PALM2AKAP2: variants seen among roughly 807,000 people sequenced by gnomAD.
PALM2AKAP2 encodes PALM2-AKAP2 fusion protein.
Under a neutral mutation model 71.5 loss-of-function variants are expected in PALM2AKAP2, and 37 were observed. The ratio of observed to expected loss-of-function variants is 0.52; its 90% CI spans 0.40 to 0.68. The LOEUF is 0.68. PALM2AKAP2 is among the 30% of genes least tolerant of loss of function. The pLI, the probability that PALM2AKAP2 is intolerant of heterozygous loss-of-function variation, is 0.00. For synonymous variants in PALM2AKAP2, 468 were observed against 478.8 expected, an observed-to-expected ratio of 0.98 and a Z score of 0.29; for missense variants, 1,224 against 1,191.8, an observed-to-expected ratio of 1.03 and a Z score of -0.40.
intron 7 of PALM2AKAP2, among the ~76,000 whole-genome samples, chr9:110,035,692 GGATATGTTGTGTGTTATATAT>G (rs1833388451): frequency 1.2e-5 from 1 of 82,656 alleles, no homozygotes; most frequent in African/African-American, 5.0e-5. Flanking sequence ...AACATATATA[GGATATGTTGTGTGTTATATAT>G]AACATATATA....
chr9:109,743,080 C>G (rs565212487), intron 1 of PALM2AKAP2, among the ~76,000 whole-genome samples: 9 of 152,220 alleles, frequency 5.9e-5, no homozygotes, highest in African/African-American at 2.2e-4. Context: ...GAGCTGATTC[C>G]TTTTAAGGCA....
chr9:109,763,220 A>G lies in PALM2AKAP2; in HGVS notation c.6-17268A>G, dbSNP rs140139095. Among the ~76,000 whole-genome samples the G allele has an allele frequency of 1.8e-3, 279 of 152,288 alleles. 1 individual carries two copies. The highest frequency in any genetic ancestry group is 6.3e-3 in the African/African-American group (262 of 41,560). ...GAAACTCAGAGGGCGGAGGGACCAC[A>G]AAAGCCTGAAACCCAGAAGGCTGGC... On this transcript the variant is annotated intron_variant, in intron 1 of 6. Transcript: ENST00000374531.
intron 1 of PALM2AKAP2, among the ~76,000 whole-genome samples, chr9:109,829,776 C>G (rs1828248665): frequency 6.6e-6 from 1 of 151,836 alleles, no homozygotes; most frequent in Non-Finnish European, 1.5e-5. Flanking sequence ...GGCTTGGTAA[C>G]CCTGTTCACT....
At chr9:109,645,663 A>G (rs1827140872) in intron 1 of PALM2AKAP2, among the ~76,000 whole-genome samples, 1 of 152,210 alleles carries the variant, frequency 6.6e-6, no homozygotes, top group Non-Finnish European at 1.5e-5. Context: ...AGAAAACCAA[A>G]TATTGCATGT....
chr9:109,654,784 T>A (rs1227191012), intron 1 of PALM2AKAP2, among the ~76,000 whole-genome samples: 1 of 151,948 alleles, frequency 6.6e-6, no homozygotes, highest in Non-Finnish European at 1.5e-5. Flanking sequence ...TGTGTATATG[T>A]ATTAAACTTC....
intron 1 of PALM2AKAP2, among the ~76,000 whole-genome samples, chr9:109,690,871 C>A (rs1470388617): frequency 6.6e-6 from 1 of 152,146 alleles, no homozygotes; most frequent in African/African-American, 2.4e-5. Flanking sequence ...GACAGCAATT[C>A]TGCTTGTCTG....
intron 1 of PALM2AKAP2, among the ~76,000 whole-genome samples, chr9:109,785,515 T>A (rs1260971671): frequency 1.3e-5 from 2 of 152,112 alleles, no homozygotes; most frequent in African/African-American, 4.8e-5. Context: ...GGGTAATTTA[T>A]AAGGAAAAAG....
chr9:110,156,303 C>G lies in PALM2AKAP2; in HGVS notation c.2570-16C>G. 1 of 1,552,088 alleles carries G rather than the reference C, an allele frequency of 6.4e-7. No homozygotes were observed. Among genetic ancestry groups the G allele is most frequent in the Non-Finnish European group, 8.7e-7 (1 of 1,149,746 alleles). On this transcript the variant is annotated splice_polypyrimidine_tract_variant and intron_variant, in intron 2 of 3. Coordinates refer to ENST00000374525, the Ensembl canonical transcript of PALM2AKAP2. ...CAGACAAGCTTAGAAAGGGTATTTT[C>G]TTCGTGTTGTTTCAGGGAAAATAGA...
At chr9:109,853,019 C>G (rs1490550168) in intron 1 of PALM2AKAP2, among the ~76,000 whole-genome samples, 1 of 152,058 alleles carries the variant, frequency 6.6e-6, no homozygotes, top group African/African-American at 2.4e-5. Context: ...TGTGCAAAAG[C>G]CCTTTGGTTT....
At chr9:109,642,708 A>G (rs987583001) in intron 1 of PALM2AKAP2, among the ~76,000 whole-genome samples, 4 of 151,538 alleles carry the variant, frequency 2.6e-5, no homozygotes, top group African/African-American at 9.7e-5. Flanking sequence ...ATGCACAACC[A>G]TGCCCAGCTA....
intron 1 of PALM2AKAP2, among the ~76,000 whole-genome samples, chr9:109,736,637 G>A (rs1166325170): frequency 1.3e-5 from 2 of 151,982 alleles, no homozygotes; most frequent in Non-Finnish European, 2.9e-5. Context: ...GGGTACAAGT[G>A]CAGATTTCTT....
chr9:109,889,147 A>G (rs1232834539), intron 3 of PALM2AKAP2, among the ~76,000 whole-genome samples: 1 of 152,260 alleles, frequency 6.6e-6, no homozygotes, highest in Non-Finnish European at 1.5e-5. Flanking sequence ...ACTTGAAAAT[A>G]AAAGGCTTCT....
At chr9:109,677,930 T>G (rs1288886734) in intron 1 of PALM2AKAP2, among the ~76,000 whole-genome samples, 1 of 152,172 alleles carries the variant, frequency 6.6e-6, no homozygotes, top group Non-Finnish European at 1.5e-5. Flanking sequence ...GAATATTAAT[T>G]AAAGCTGGGC....
intron 1 of PALM2AKAP2, among the ~76,000 whole-genome samples, chr9:110,080,579 T>G (rs1426150571): frequency 6.6e-6 from 1 of 152,212 alleles, no homozygotes; most frequent in Non-Finnish European, 1.5e-5. Flanking sequence ...AAGTAGAAAT[T>G]GCTGTCAGCC....
intron 1 of PALM2AKAP2, among the ~76,000 whole-genome samples, chr9:109,741,759 T>C (rs1003871940): frequency 2.0e-5 from 3 of 152,228 alleles, no homozygotes; most frequent in Admixed American, 6.5e-5. Context: ...AGGTTTTAGC[T>C]CTAAGATCCA....
At chr9:110,008,954 A>G (rs1236233697) in intron 6 of PALM2AKAP2, among the ~76,000 whole-genome samples, 1 of 152,086 alleles carries the variant, frequency 6.6e-6, no homozygotes. Context: ...TGACCTCAGC[A>G]ACTCTAAGGA....
intron 1 of PALM2AKAP2, among the ~76,000 whole-genome samples, chr9:109,834,631 G>A (rs2025875): frequency 0.83 from 125,846 of 152,168 alleles, 52,489 homozygotes; most frequent in African/African-American, 0.95. Context: ...TCACAGCTCC[G>A]CCTGAGCTCA....
chr9:110,037,006 A>G (rs1449475031), intron 7 of PALM2AKAP2, among the ~76,000 whole-genome samples: 2 of 152,096 alleles, frequency 1.3e-5, no homozygotes, highest in Non-Finnish European at 2.9e-5. Context: ...CTTTATAACA[A>G]TTACCGCCTC....
intron 6 of PALM2AKAP2, among the ~76,000 whole-genome samples, chr9:109,986,300 G>A (rs759009578): frequency 2.0e-5 from 3 of 152,178 alleles, no homozygotes; most frequent in Admixed American, 6.5e-5. Context: ...CAATTTTACA[G>A]TAATTTTCTT....
Sources: allele counts gnomAD v4.1 joint callset (sites outside exome capture counted in the v4.1 genomes callset), GRCh38; gene constraint gnomAD v4.1.1; transcripts MANE v1.5; gene names NCBI Gene and HGNC (gene_info 2026-07-23, HGNC 2026-07-21).